The following DGKI variants were observed in gnomAD, a reference collection of about 807,000 sequenced individuals.
DGKI encodes the protein diacylglycerol kinase iota.
Under a neutral mutation model 147.5 loss-of-function variants are expected in DGKI, and 55 were observed. That is an observed-to-expected ratio of 0.37 (90% CI 0.30 to 0.47). DGKI has a LOEUF of 0.47. Among genes scored for constraint, DGKI ranks in the 20% least tolerant of loss-of-function variants. The pLI, the probability that DGKI is intolerant of heterozygous loss-of-function variation, is 1.00. For synonymous variants in DGKI, 469 were observed against 477.1 expected, an observed-to-expected ratio of 0.98 and a Z score of 0.22; for missense variants, 1,007 against 1,323.8, an observed-to-expected ratio of 0.76 and a Z score of 3.71.
intron 21 of DGKI, among the ~76,000 whole-genome samples, chr7:137,491,874 C>T (rs754034996): frequency 3.3e-5 from 5 of 152,186 alleles, no homozygotes; most frequent in Non-Finnish European, 7.3e-5. Flanking sequence ...AAGAGGCCTA[C>T]GCAGATCCTA....
intron 18 of DGKI, 61 bp from the exon 19 acceptor site, chr7:137,571,347 G>T: frequency 1.6e-6 from 2 of 1,241,658 alleles, no homozygotes; most frequent in Non-Finnish European, 2.3e-6. Flanking sequence ...ACTATCATGA[G>T]GTGTTAGTTT....
At chr7:137,757,917 C>T (rs1795737957) in intron 1 of DGKI, among the ~76,000 whole-genome samples, 1 of 152,230 alleles carries the variant, frequency 6.6e-6, no homozygotes, top group Non-Finnish European at 1.5e-5. Context: ...AGAATCGTAA[C>T]ACTCTTTCCA....
intron 8 of DGKI, among the ~76,000 whole-genome samples, chr7:137,618,477 C>A (rs971924977): frequency 6.7e-5 from 10 of 150,108 alleles, no homozygotes; most frequent in East Asian, 1.9e-4. Flanking sequence ...CCCTCCCCCC[C>A]ACTTCATAAC....
intron 1 of DGKI, among the ~76,000 whole-genome samples, chr7:137,764,866 T>C (rs572916630): frequency 6.6e-6 from 1 of 152,302 alleles, no homozygotes; most frequent in South Asian, 2.1e-4. Context: ...CCTCCAGTAC[T>C]TCCTTCTTTC....
At chr7:137,760,193 G>A (rs1795815685) in intron 1 of DGKI, among the ~76,000 whole-genome samples, 1 of 152,062 alleles carries the variant, frequency 6.6e-6, no homozygotes, top group Non-Finnish European at 1.5e-5. Context: ...CTCACTGTTG[G>A]TGACTATGGT....
chr7:137,800,120 T>A (rs1046631407), intron 1 of DGKI, among the ~76,000 whole-genome samples: 2 of 152,096 alleles, frequency 1.3e-5, no homozygotes, highest in South Asian at 2.1e-4. Context: ...GGATTCCAAT[T>A]TCCCCCCTAT....
intron 14 of DGKI, among the ~76,000 whole-genome samples, chr7:137,583,931 T>C (rs557319540): frequency 2.0e-5 from 3 of 152,316 alleles, no homozygotes; most frequent in Admixed American, 1.3e-4. Context: ...TTCAGGATCA[T>C]GGTTTAGGTG....
intron 1 of DGKI, among the ~76,000 whole-genome samples, chr7:137,696,461 T>TTTTTTTTG (rs1554459920): frequency 6.4e-5 from 7 of 109,144 alleles, no homozygotes; most frequent in Admixed American, 1.2e-4. Flanking sequence ...TTTTTTTTTT[T>TTTTTTTTG]TTGCTTAATG....
chr7:137,412,094 T>A, intron 29 of DGKI, 76 bp downstream of exon 29: 1 of 1,349,376 alleles, frequency 7.4e-7, no homozygotes, highest in Non-Finnish European at 1.1e-6. Context: ...GATGGGAACA[T>A]AGAGTTTTGA....
At chr7:137,664,377 C>CAAAAAAAAA (rs1190186766) in intron 3 of DGKI, among the ~76,000 whole-genome samples, 14 of 55,894 alleles carry the variant, frequency 2.5e-4, no homozygotes, top group East Asian at 6.0e-4. Flanking sequence ...GACTCCATCT[C>CAAAAAAAAA]AAAAAAAAAA....
At chr7:137,638,609 TATACAC>T (rs367596499) in intron 6 of DGKI, among the ~76,000 whole-genome samples, 2 of 1,910 alleles carry the variant, frequency 1.0e-3, no homozygotes, top group African/African-American at 3.1e-3. Context: ...TATGTATATA[TATACAC>T]ACACACATAT....
At chr7:137,807,678 G>A (rs1165094258) in intron 1 of DGKI, among the ~76,000 whole-genome samples, 3 of 152,178 alleles carry the variant, frequency 2.0e-5, no homozygotes, top group African/African-American at 7.2e-5. Context: ...GGCCAAGGCT[G>A]TCTCCCATCA....
intron 21 of DGKI, among the ~76,000 whole-genome samples, chr7:137,503,594 T>C (rs548263825): frequency 1.3e-5 from 2 of 152,318 alleles, no homozygotes; most frequent in South Asian, 2.1e-4. Flanking sequence ...AGTTTTGCTA[T>C]AGTACATATT....
intron 12 of DGKI, among the ~76,000 whole-genome samples, chr7:137,592,052 A>C (rs1819636471): frequency 6.6e-6 from 1 of 152,250 alleles, no homozygotes; most frequent in African/African-American, 2.4e-5. Context: ...CTTGGGAAAC[A>C]ATCTGTGTCT....
intron 5 of DGKI, among the ~76,000 whole-genome samples, chr7:137,649,289 A>G (rs151274183): frequency 1.3e-5 from 2 of 152,256 alleles, no homozygotes; most frequent in East Asian, 3.9e-4. Context: ...CAAGTGCTTT[A>G]ATTTCTCACA....
intron 1 of DGKI, among the ~76,000 whole-genome samples, chr7:137,786,688 A>T (rs371547505): frequency 1.3e-5 from 2 of 151,656 alleles, no homozygotes; most frequent in Non-Finnish European, 3.0e-5. Flanking sequence ...AAAAAAAAAA[A>T]AAATCTGGAG....
chr7:137,742,015 G>A (rs768228164), intron 1 of DGKI, among the ~76,000 whole-genome samples: 5 of 152,138 alleles, frequency 3.3e-5, no homozygotes, highest in East Asian at 1.9e-4. Flanking sequence ...TACACAGCAC[G>A]TCCTTAGTGC....
intron 19 of DGKI, among the ~76,000 whole-genome samples, chr7:137,553,785 G>A (rs1457232618): frequency 6.6e-6 from 1 of 152,132 alleles, no homozygotes; most frequent in Non-Finnish European, 1.5e-5. Flanking sequence ...ACTGACTGGT[G>A]AGCAAGAAAG....
chr7:137,656,636 A>C (rs566171763), intron 3 of DGKI, 96 bp from the exon 4 acceptor site: 1 of 1,078,324 alleles, frequency 9.3e-7, no homozygotes, highest in Non-Finnish European at 1.4e-6. Context: ...TAAATACATA[A>C]ATACAGCAAA....
Sources: allele counts gnomAD v4.1 joint callset (sites outside exome capture counted in the v4.1 genomes callset), GRCh38; gene constraint gnomAD v4.1.1; transcripts MANE v1.5; gene names NCBI Gene and HGNC (gene_info 2026-07-23, HGNC 2026-07-21).